The following ULK4 variants were observed in gnomAD, a reference collection of about 807,000 sequenced individuals.
ULK4 encodes unc-51 like kinase 4, also known as inactive serine/threonine-protein kinase ULK4.
A neutral mutation model predicts 160.6 loss-of-function variants in ULK4; 133 were observed. The observed-to-expected ratio is 0.83, with a 90% CI of 0.72 to 0.96. The LOEUF (loss-of-function observed/expected upper bound fraction) is 0.96. Ranked by LOEUF, ULK4 falls within the 40% of genes least tolerant of loss-of-function variation. The pLI, the probability that ULK4 is intolerant of heterozygous loss-of-function variation, is 0.00. For synonymous variants in ULK4, 534 were observed against 539.8 expected (o/e 0.99, Z 0.15); for missense variants, 1,580 against 1,499.5 (o/e 1.05, Z -0.89).
At chr3:41,751,490 C>T (rs2038625415) in intron 22 of ULK4, among the ~76,000 whole-genome samples, 1 of 151,806 alleles carries the variant, frequency 6.6e-6, no homozygotes, top group Non-Finnish European at 1.5e-5. Context: ...CAGACCCTCT[C>T]TCTACACTCA....
chr3:41,836,794 T>C lies in ULK4; in HGVS notation c.1657-823A>G, dbSNP rs544970699. ...ACTCGACAGCATGTTTTATCAGATC[T>C]AGTTAATGTCCTAGGAGTCATGCTA... On this transcript the variant is annotated intron_variant, in intron 17 of 36. Transcript: ENST00000301831. Among the ~76,000 whole-genome samples the C allele has an allele frequency of 1.1e-4, 17 of 152,328 alleles. 1 individual carries two copies. In the South Asian group the frequency reaches 3.5e-3, roughly 32 times the overall value.
rs114266921 is a variant in ULK4 at position 41,753,268 on chromosome 3, T to C, written c.2321+1093A>G. On this transcript the variant is annotated intron_variant, in intron 22 of 36. Transcript: ENST00000301831. Reference sequence around the variant, plus strand: ...GTCTTGTTTGTTATATAGGTAGGTATGTAATCGCCCCAATTTTGCCTCTTG... The same window carrying C: ...GTCTTGTTTGTTATATAGGTAGGTACGTAATCGCCCCAATTTTGCCTCTTG... Among the ~76,000 whole-genome samples, 1,053 of 152,244 alleles carry C rather than the reference T, an allele frequency of 6.9e-3. 11 individuals carry two copies. Among genetic ancestry groups the C allele is most frequent in the African/African-American group, 0.025 (1,018 of 41,528 alleles).
chr3:41,480,395 G>A (rs2084283448), intron 32 of ULK4, among the ~76,000 whole-genome samples: 1 of 151,806 alleles, frequency 6.6e-6, no homozygotes, highest in African/African-American at 2.4e-5. Flanking sequence ...GAAGAATACA[G>A]TTGACCCCTG....
chr3:41,733,636 T>G (rs2037911238), intron 22 of ULK4, among the ~76,000 whole-genome samples: 1 of 151,844 alleles, frequency 6.6e-6, no homozygotes, highest in Admixed American at 6.6e-5. Context: ...AATTACCATG[T>G]TTTCTCCCAA....
At chr3:41,520,479 G>A (rs1458610611) in intron 32 of ULK4, among the ~76,000 whole-genome samples, 1 of 152,106 alleles carries the variant, frequency 6.6e-6, no homozygotes, top group Non-Finnish European at 1.5e-5. Flanking sequence ...GACATGAGTT[G>A]TTTCCATCTT....
chr3:41,796,894 T>C lies in ULK4; in HGVS notation c.2010+3238A>G, dbSNP rs189359624. On this transcript the variant is annotated intron_variant, in intron 20 of 36. Transcript: ENST00000301831. ...AAAGCACAAAAGGAGCCCAGAACGG[T>C]ACGTGGTATCAGGAGTTAAGGAAGT... Among the ~76,000 whole-genome samples, 216 of 152,190 alleles carry C rather than the reference T, an allele frequency of 1.4e-3. 2 individuals carry two copies. Among genetic ancestry groups the C allele is most frequent in the Admixed American group, 4.6e-3 (70 of 15,278 alleles).
intron 4 of ULK4, among the ~76,000 whole-genome samples, chr3:41,932,577 T>G (rs1227555694): frequency 6.6e-6 from 1 of 152,246 alleles, no homozygotes; most frequent in African/African-American, 2.4e-5. Flanking sequence ...GTAAAGGGTT[T>G]GTAACAGTCA....
At chr3:41,775,345 C>G (rs1487712547) in intron 21 of ULK4, among the ~76,000 whole-genome samples, 1 of 150,134 alleles carries the variant, frequency 6.7e-6, no homozygotes, top group Admixed American at 6.6e-5. Context: ...TTAATAATAT[C>G]CATATCCACA....
intron 29 of ULK4, among the ~76,000 whole-genome samples, chr3:41,677,115 C>T (rs1245611353): frequency 6.6e-6 from 1 of 151,716 alleles, no homozygotes; most frequent in African/African-American, 2.4e-5. Flanking sequence ...TGCCATGTTG[C>T]CCAGGCTAGT....
chr3:41,621,793 A>G (rs1251326179), intron 30 of ULK4, among the ~76,000 whole-genome samples: 3 of 152,128 alleles, frequency 2.0e-5, no homozygotes, highest in Non-Finnish European at 4.4e-5. Flanking sequence ...GAGCTCTGCA[A>G]AGCAAAAGAA....
Position 41,715,622 on chromosome 3 carries a change from G to A in ULK4, c.2456-54C>T. 7 of 1,609,710 alleles carry A rather than the reference G, an allele frequency of 4.3e-6. No homozygotes were observed. In the South Asian group the frequency reaches 6.6e-5, roughly 15 times the overall value. On this transcript the variant is annotated intron_variant, in intron 23 of 36. Coordinates refer to ENST00000301831, the MANE Select transcript of ULK4 (RefSeq NM_017886.4). Reference sequence around the variant, plus strand: ...GAGGTTAAAAACCACAAATACTTAGGAGCCACTGGTCATTGCTTGAATACC... The same window carrying A: ...GAGGTTAAAAACCACAAATACTTAGAAGCCACTGGTCATTGCTTGAATACC...
At chr3:41,472,414 C>CA (rs2084016240) in intron 32 of ULK4, among the ~76,000 whole-genome samples, 1 of 151,740 alleles carries the variant, frequency 6.6e-6, no homozygotes, top group African/African-American at 2.4e-5. Flanking sequence ...AATAAAAATA[C>CA]AAAAATTAGC....
At chr3:41,606,615 G>A (rs1412681348) in intron 31 of ULK4, among the ~76,000 whole-genome samples, 1 of 151,884 alleles carries the variant, frequency 6.6e-6, no homozygotes, top group Non-Finnish European at 1.5e-5. Context: ...CCTTTTCTCT[G>A]TATCCTTGTC....
chr3:41,776,129 A>G (rs1243683208), intron 21 of ULK4, among the ~76,000 whole-genome samples: 2 of 150,914 alleles, frequency 1.3e-5, no homozygotes, highest in South Asian at 2.1e-4. Context: ...TCAGACTTAC[A>G]TGTTCGCCAA....
intron 32 of ULK4, among the ~76,000 whole-genome samples, chr3:41,550,464 C>G (rs558275732): frequency 2.6e-5 from 4 of 151,752 alleles, no homozygotes; most frequent in African/African-American, 9.7e-5. Flanking sequence ...GAACAAAAAC[C>G]AAAAGCAAGC....
At chr3:41,729,695 A>C (rs554603940) in intron 22 of ULK4, among the ~76,000 whole-genome samples, 1 of 152,160 alleles carries the variant, frequency 6.6e-6, no homozygotes, top group Admixed American at 6.5e-5. Context: ...CTGCCAGTCA[A>C]CCAGCCCTGC....
chr3:41,643,574 G>A lies in ULK4; in HGVS notation c.3071+20033C>T, dbSNP rs527722444. ...ATATCTCTGTTTTGGTACCAGTACCGTGCTGTTTTGGTTACTGTAGCCTTG... is the reference window on the plus strand; with the variant it reads ...ATATCTCTGTTTTGGTACCAGTACCATGCTGTTTTGGTTACTGTAGCCTTG... On this transcript the variant is annotated intron_variant, in intron 30 of 36. Transcript: ENST00000301831. 4.9e-3 allele frequency among the ~76,000 whole-genome samples: 740 copies of A among 152,136 alleles called. 3 individuals carry two copies. Among genetic ancestry groups the A allele is most frequent in the South Asian group, 9.6e-3 (46 of 4,800 alleles).
At chr3:41,643,139 G>T (rs2034310357) in intron 30 of ULK4, among the ~76,000 whole-genome samples, 1 of 152,052 alleles carries the variant, frequency 6.6e-6, no homozygotes, top group Non-Finnish European at 1.5e-5. Context: ...CATTTTGTAG[G>T]TTGCCTGTTC....
intron 32 of ULK4, among the ~76,000 whole-genome samples, chr3:41,496,556 G>C (rs538583670): frequency 6.6e-6 from 1 of 152,114 alleles, no homozygotes; most frequent in South Asian, 2.1e-4. Flanking sequence ...GTTGGAGTTT[G>C]CTGAGGGAGC....
Sources: allele counts gnomAD v4.1 joint callset (sites outside exome capture counted in the v4.1 genomes callset), GRCh38; gene constraint gnomAD v4.1.1; transcripts MANE v1.5; gene names NCBI Gene and HGNC (gene_info 2026-07-23, HGNC 2026-07-21).